Variants in MPP7 observed in about 807,000 individuals in gnomAD.
MPP7 encodes the protein MAGUK p55 subfamily member 7.
Under a neutral mutation model 76.5 loss-of-function variants are expected in MPP7, and 60 were observed. That is an observed-to-expected ratio of 0.78 (90% CI 0.64 to 0.97). The LOEUF is 0.97. Among genes scored for constraint, MPP7 ranks in the 50% least tolerant of loss-of-function variants. The probability of loss-of-function intolerance (pLI) is 0.00; values close to 1 mark genes in which losing one functional copy is unlikely to be tolerated. For synonymous variants in MPP7, 237 were observed against 244.5 expected, an observed-to-expected ratio of 0.97 and a Z score of 0.29; for missense variants, 641 against 694.0, an observed-to-expected ratio of 0.92 and a Z score of 0.86.
At chr10:28,182,082 C>A (rs1221385959) in intron 3 of MPP7, among the ~76,000 whole-genome samples, 1 of 151,776 alleles carries the variant, frequency 6.6e-6, no homozygotes, top group Non-Finnish European at 1.5e-5. Flanking sequence ...TGGAGTGAGC[C>A]CAGACCAGGA....
intron 1 of MPP7, among the ~76,000 whole-genome samples, chr10:28,262,686 T>C (rs144159946): frequency 6.6e-6 from 1 of 152,302 alleles, no homozygotes; most frequent in Non-Finnish European, 1.5e-5. Flanking sequence ...GTACATTCAT[T>C]AGACTCTAAA....
Position 28,143,888 on chromosome 10 carries a change from TGTGTGTGTGTGTGTGA to T in MPP7, c.315+3579_315+3594del, listed in dbSNP as rs58084459. Among the ~76,000 whole-genome samples the T allele has an allele frequency of 7.7e-3, 1,137 of 147,510 alleles. 9 individuals are homozygous for T. The highest frequency in any genetic ancestry group is 0.021 in the African/African-American group (841 of 39,986). On this transcript the variant is annotated intron_variant, in intron 5 of 16. Transcript: ENST00000683449. Reference sequence around the variant, plus strand: ...GTGTGTGTGTGTGTGTGTGTGTGTGTGTGTGTGTGTGTGTGAGACTGAGTTTCACTCTTTCACCCAG... The same window carrying T: ...GTGTGTGTGTGTGTGTGTGTGTGTGTGACTGAGTTTCACTCTTTCACCCAG...
At chr10:28,288,444 T>G (rs559716591) in intron 1 of MPP7, among the ~76,000 whole-genome samples, 1 of 152,192 alleles carries the variant, frequency 6.6e-6, no homozygotes, top group Non-Finnish European at 1.5e-5. Flanking sequence ...TCTCACTATG[T>G]TGCCCAGGCT....
intron 2 of MPP7, among the ~76,000 whole-genome samples, chr10:28,329,559 G>A (rs779998845): frequency 6.7e-6 from 1 of 150,294 alleles, no homozygotes; most frequent in African/African-American, 2.4e-5. Flanking sequence ...AACCCAGGAG[G>A]CAGAGCTTGC....
intron 2 of MPP7, among the ~76,000 whole-genome samples, chr10:28,310,020 T>TTTTTTA (rs57172078): frequency 0.12 from 16,915 of 143,680 alleles, 1,105 homozygotes; most frequent in Middle Eastern, 0.15. Flanking sequence ...TTTTTTTTTT[T>TTTTTTA]AAACGGAGTC....
At chr10:28,302,604 G>C (rs1340229948) in intron 1 of MPP7, among the ~76,000 whole-genome samples, 1 of 151,756 alleles carries the variant, frequency 6.6e-6, no homozygotes, top group South Asian at 2.1e-4. Context: ...AGTCCCGCGC[G>C]TCAACAGGGG....
intron 3 of MPP7, among the ~76,000 whole-genome samples, chr10:28,166,023 CAAAAAAAAA>C (rs9299600): frequency 2.0e-5 from 2 of 99,932 alleles, no homozygotes; most frequent in East Asian, 5.7e-4. Flanking sequence ...AGACTCATCT[CAAAAAAAAA>C]AAAAAAAAAA....
rs1020112779 is a variant in MPP7, at chr10:28,253,128, G to A, written c.-131-14393C>T. ...TCACCATGTTGGACAGGCTGGTCTC[G>A]AACTCCTGACCTCGTGATCTACCCT... On this transcript the variant is annotated intron_variant, in intron 1 of 16. Coordinates refer to ENST00000683449, the MANE Select transcript of MPP7 (RefSeq NM_001318170.2). Among the ~76,000 whole-genome samples the A allele has an allele frequency of 2.5e-4, 38 of 152,078 alleles. 1 individual carries two copies. Among genetic ancestry groups the A allele is most frequent in the African/African-American group, 8.4e-4 (35 of 41,478 alleles).
chr10:28,155,999 G>A (rs775452771), intron 3 of MPP7, among the ~76,000 whole-genome samples: 56 of 152,084 alleles, frequency 3.7e-4, no homozygotes, highest in African/African-American at 6.3e-4. Context: ...CCCATTGTAC[G>A]TTAGAGATTT....
At chr10:28,083,191 C>T (rs1182222639) in intron 12 of MPP7, among the ~76,000 whole-genome samples, 1 of 152,152 alleles carries the variant, frequency 6.6e-6, no homozygotes, top group Non-Finnish European at 1.5e-5. Context: ...ACGTAACAGG[C>T]TCTAAGCTTC....
chr10:28,289,493 A>G (rs1840863497), intron 1 of MPP7: 1 of 152,208 alleles, frequency 6.6e-6, no homozygotes, highest in South Asian at 2.1e-4. Context: ...TTAACACAAA[A>G]GTCACTTAAA....
intron 2 of MPP7, among the ~76,000 whole-genome samples, chr10:28,321,953 G>A (rs1392657761): frequency 1.8e-5 from 1 of 56,342 alleles, no homozygotes; most frequent in Non-Finnish European, 3.9e-5. Flanking sequence ...GTAGACGTGT[G>A]TGTGTGTGTG....
intron 12 of MPP7, among the ~76,000 whole-genome samples, chr10:28,079,353 A>C (rs4749300): frequency 0.15 from 23,156 of 151,924 alleles, 2,352 homozygotes; most frequent in East Asian, 0.42. Flanking sequence ...ATACCACAAA[A>C]AAAAAAAGAA....
chr10:28,095,194 CATATAT>C (rs10528025), intron 11 of MPP7, among the ~76,000 whole-genome samples: 10,889 of 130,662 alleles, frequency 0.083, 512 homozygotes, highest in Non-Finnish European at 0.098. Context: ...CACACATATG[CATATAT>C]ATATATATAT....
At chr10:28,202,099 A>C in intron 3 of MPP7, 54 bp downstream of exon 3, 1 of 1,285,634 alleles carries the variant, frequency 7.8e-7, no homozygotes, top group East Asian at 2.3e-5. Flanking sequence ...GTGGTGCCCC[A>C]AATATTTTTC....
intron 12 of MPP7, among the ~76,000 whole-genome samples, chr10:28,083,419 G>A (rs1852854533): frequency 6.6e-6 from 1 of 151,918 alleles, no homozygotes; most frequent in African/African-American, 2.4e-5. Context: ...AAATTTCCAA[G>A]CCTCCAGCTG....
rs1045423515 is a variant in MPP7, at chr10:28,238,745, A to G, written c.-131-10T>C. 2.3e-5 allele frequency: 17 copies of G among 748,994 alleles called. No homozygotes were observed. Among genetic ancestry groups the G allele is most frequent in the Admixed American group, 5.5e-5 (2 of 36,464 alleles). 46.4% of individuals were successfully genotyped at this position (748,994 alleles called of 1,614,324 possible). On this transcript the variant is annotated splice_polypyrimidine_tract_variant and intron_variant, in intron 1 of 16. Coordinates refer to ENST00000683449, the MANE Select transcript of MPP7 (RefSeq NM_001318170.2). ...ATTTTGTAAGCCGTTTCTAGAAAGG[A>G]AAGAAACATTTATATTTTTTAAAAA...
intron 13 of MPP7, among the ~76,000 whole-genome samples, chr10:28,067,401 C>T (rs868339727): frequency 5.3e-5 from 8 of 151,470 alleles, no homozygotes; most frequent in Non-Finnish European, 1.0e-4. Flanking sequence ...TGGTTTGATG[C>T]GGTATTTTCC....
At chr10:28,137,427 T>G (rs1169840759) in intron 5 of MPP7, among the ~76,000 whole-genome samples, 1 of 152,252 alleles carries the variant, frequency 6.6e-6, no homozygotes, top group African/African-American at 2.4e-5. Context: ...CTACTATCTG[T>G]GTATCTATGG....
Sources: allele counts gnomAD v4.1 joint callset (sites outside exome capture counted in the v4.1 genomes callset), GRCh38; gene constraint gnomAD v4.1.1; transcripts MANE v1.5; gene names NCBI Gene and HGNC (gene_info 2026-07-23, HGNC 2026-07-21).